The following PKIB variants were observed in gnomAD, a reference collection of about 807,000 sequenced individuals.
PKIB encodes PKI-beta.
A neutral mutation model predicts 4.5 loss-of-function variants in PKIB; 2 were observed. The observed-to-expected ratio is 0.44, with a 90% confidence interval of 0.18 to 1.39. The LOEUF (loss-of-function observed/expected upper bound fraction) is 1.39, where lower values mean the gene tolerates loss of function less well. Among genes scored for constraint, PKIB ranks in the 40% most tolerant of loss-of-function variants. The pLI, the probability that PKIB is intolerant of heterozygous loss-of-function variation, is 0.27. For missense variants in PKIB, 94 were observed against 92.6 expected (o/e 1.02, Z -0.06); for synonymous variants, 38 against 36.0 (o/e 1.06, Z -0.20).
intron 2 of PKIB, among the ~76,000 whole-genome samples, chr6:122,650,037 C>G (rs1369322945): frequency 6.6e-6 from 1 of 152,046 alleles, no homozygotes; most frequent in Non-Finnish European, 1.5e-5. Flanking sequence ...TTGGGTCACT[C>G]GATAAATTGG....
At chr6:122,521,743 C>T (rs1293274280) in intron 2 of PKIB, among the ~76,000 whole-genome samples, 4 of 152,032 alleles carry the variant, frequency 2.6e-5, no homozygotes, top group African/African-American at 7.2e-5. Context: ...TTTGATTTTC[C>T]ATCAGCTCCT....
intron 3 of PKIB, among the ~76,000 whole-genome samples, chr6:122,694,102 C>G (rs1411408482): frequency 1.3e-5 from 2 of 152,024 alleles, no homozygotes; most frequent in South Asian, 4.2e-4. Context: ...GCAGTTAGAT[C>G]CTGAAGATAC....
rs773860299 is a variant in PKIB, at chr6:122,703,939, T to TAGAG, written c.-8-13847_-8-13846insGAGA. Among the ~76,000 whole-genome samples, 154 of 103,218 alleles carry TAGAG rather than the reference T, an allele frequency of 1.5e-3. 1 individual carries two copies. Among genetic ancestry groups the TAGAG allele is most frequent in the African/African-American group, 3.8e-3 (120 of 31,874 alleles). 67.7% of individuals were successfully genotyped at this position (103,218 alleles called of 152,430 possible). A position where few individuals can be genotyped will look rare whatever the true frequency, so the allele number is the denominator to read the frequency against. On this transcript the variant is annotated intron_variant, in intron 3 of 4. Coordinates refer to ENST00000368452, the MANE Select transcript of PKIB (RefSeq NM_181795.3). Reference sequence around the variant, plus strand: ...ATATGTGTGTATATATATATATATATATAGAGAGAGAGAGAGAGAGAGAGA... The same window carrying TAGAG: ...ATATGTGTGTATATATATATATATATAGAGATAGAGAGAGAGAGAGAGAGAGAGA...
intron 1 of PKIB, among the ~76,000 whole-genome samples, chr6:122,614,971 C>T (rs1174724328): frequency 3.3e-5 from 5 of 152,128 alleles, no homozygotes; most frequent in African/African-American, 1.2e-4. Context: ...ACTTTTCTCA[C>T]TTTTCCCAAA....
intron 3 of PKIB, among the ~76,000 whole-genome samples, chr6:122,596,377 C>A (rs981811101): frequency 2.0e-5 from 3 of 152,172 alleles, no homozygotes; most frequent in African/African-American, 7.2e-5. Flanking sequence ...GAGTGGAGAC[C>A]ATGGGCATTT....
chr6:122,570,610 GC>G (rs1773333305), intron 2 of PKIB, among the ~76,000 whole-genome samples: 1 of 152,116 alleles, frequency 6.6e-6, no homozygotes, highest in Non-Finnish European at 1.5e-5. Flanking sequence ...AAAAGCCAGT[GC>G]ACAAAGACCC....
chr6:122,706,370 G>A (rs1779056118), intron 3 of PKIB, among the ~76,000 whole-genome samples: 1 of 152,084 alleles, frequency 6.6e-6, no homozygotes, highest in Admixed American at 6.6e-5. Flanking sequence ...TCAGGGTGGG[G>A]ACCATATATT....
intron 1 of PKIB, among the ~76,000 whole-genome samples, chr6:122,620,243 ATCT>A (rs1334601820): frequency 1.3e-5 from 2 of 152,180 alleles, no homozygotes; most frequent in Non-Finnish European, 2.9e-5. Flanking sequence ...GTGTACAGTC[ATCT>A]TCTCCCATCC....
At chr6:122,541,386 A>T (rs1036745326) in intron 2 of PKIB, among the ~76,000 whole-genome samples, 2 of 151,548 alleles carry the variant, frequency 1.3e-5, no homozygotes, top group Non-Finnish European at 2.9e-5. Context: ...TGGTGGTGAC[A>T]AAATCTCTCA....
chr6:122,622,116 G>C (rs1419326259), intron 1 of PKIB, among the ~76,000 whole-genome samples: 1 of 152,180 alleles, frequency 6.6e-6, no homozygotes, highest in Non-Finnish European at 1.5e-5. Context: ...CCTAGAAATT[G>C]CTGTACTTAA....
At chr6:122,700,766 A>T (rs1213720117) in intron 3 of PKIB, among the ~76,000 whole-genome samples, 1 of 152,124 alleles carries the variant, frequency 6.6e-6, no homozygotes, top group African/African-American at 2.4e-5. Context: ...TGTGGTGCAA[A>T]CTTTCTGGGT....
chr6:122,600,673 C>T (rs1195099143), intron 3 of PKIB, among the ~76,000 whole-genome samples: 1 of 152,126 alleles, frequency 6.6e-6, no homozygotes, highest in Non-Finnish European at 1.5e-5. Flanking sequence ...AAAGTCATTT[C>T]AGGTAACATA....
chr6:122,579,119 TTCATGACTTC>T (rs1271561227), intron 2 of PKIB, among the ~76,000 whole-genome samples: 1 of 152,184 alleles, frequency 6.6e-6, no homozygotes, highest in Non-Finnish European at 1.5e-5. Context: ...TCCAACCATT[TTCATGACTTC>T]TCATGACTTC....
chr6:122,714,293 G>A (rs9398693), intron 3 of PKIB, among the ~76,000 whole-genome samples: 59,517 of 152,028 alleles, frequency 0.39, 12,916 homozygotes, highest in African/African-American at 0.55. Flanking sequence ...AGACTGAAAG[G>A]AAGATTGTGC....
chr6:122,579,512 CT>C (rs1405285789), intron 2 of PKIB, among the ~76,000 whole-genome samples: 13 of 152,228 alleles, frequency 8.5e-5, no homozygotes, highest in Non-Finnish European at 1.3e-4. Context: ...CATTACAGCA[CT>C]TTCCAGAGCA....
intron 2 of PKIB, 132 bp from the exon 3 acceptor site, chr6:122,674,946 C>T (rs1777612821): frequency 6.6e-6 from 1 of 151,906 alleles, no homozygotes; most frequent in Non-Finnish European, 1.5e-5. Context: ...CGGCTTTTCC[C>T]GAGAAAGTCA....
chr6:122,603,475 ATTTCTTTT>A (rs906728853), intron 3 of PKIB, among the ~76,000 whole-genome samples: 2 of 151,888 alleles, frequency 1.3e-5, no homozygotes, highest in Admixed American at 6.6e-5. Flanking sequence ...TTTGAAAGAC[ATTTCTTTT>A]TTTCTTTTTT....
At chr6:122,603,049 C>A (rs1365310662) in intron 3 of PKIB, among the ~76,000 whole-genome samples, 1 of 151,804 alleles carries the variant, frequency 6.6e-6, no homozygotes, top group African/African-American at 2.4e-5. Context: ...TCCAATTCCC[C>A]AGGAACATCT....
chr6:122,707,420 G>T (rs1779106542), intron 3 of PKIB, among the ~76,000 whole-genome samples: 1 of 151,894 alleles, frequency 6.6e-6, no homozygotes, highest in South Asian at 2.1e-4. Flanking sequence ...TTAAATATGG[G>T]CTAAGAGACA....
Sources: gnomAD v4.1 joint callset for allele counts (sites outside exome capture counted in the v4.1 genomes callset) on GRCh38, gnomAD v4.1.1 for gene constraint, MANE v1.5 for transcripts, NCBI Gene and HGNC (gene_info 2026-07-23, HGNC 2026-07-21) for gene names.